Variants in SLC35G2 observed in about 807,000 individuals in gnomAD.
SLC35G2 encodes the protein solute carrier family 35 member G2.
Under a neutral mutation model 27.2 loss-of-function variants are expected in SLC35G2, and 20 were observed. The ratio of observed to expected loss-of-function variants is 0.74; its 90% CI spans 0.52 to 1.07. The LOEUF (loss-of-function observed/expected upper bound fraction) is 1.07. SLC35G2 is among the 50% of genes least tolerant of loss of function. The pLI, the probability that SLC35G2 is intolerant of heterozygous loss-of-function variation, is 0.00. For missense variants in SLC35G2, 416 were observed against 493.3 expected (o/e 0.84, Z 1.48); for synonymous variants, 148 against 165.3 (o/e 0.90, Z 0.80).
chr3:136,854,333 C>G (rs1055328026), intron 1 of SLC35G2, 110 bp from the exon 2 acceptor site: 25 of 701,100 alleles, frequency 3.6e-5, no homozygotes, highest in Non-Finnish European at 5.6e-5. Flanking sequence ...TTTTTCTGGA[C>G]TACTGTTACA....
chr3:136,851,496 C>CAAA (rs11427657), intron 1 of SLC35G2, among the ~76,000 whole-genome samples: 37,333 of 66,362 alleles, frequency 0.56, 14,278 homozygotes, highest in East Asian at 0.84. Flanking sequence ...GACTCCGTCT[C>CAAA]AAAAAAAAAA....
intron 1 of SLC35G2, chr3:136,842,961 T>G (rs1024767247): frequency 6.6e-6 from 1 of 152,154 alleles, no homozygotes; most frequent in Non-Finnish European, 1.5e-5. Flanking sequence ...TGGGAGGATG[T>G]AGAGTCATTC....
At chr3:136,835,641 C>T (rs1036430011) in intron 1 of SLC35G2, among the ~76,000 whole-genome samples, 5 of 152,146 alleles carry the variant, frequency 3.3e-5, no homozygotes, top group African/African-American at 1.2e-4. Flanking sequence ...TAAACTGTTA[C>T]TAGGATGATT....
At chr3:136,851,496 CAAAAAAAA>C (rs11427657) in intron 1 of SLC35G2, among the ~76,000 whole-genome samples, 5 of 66,522 alleles carry the variant, frequency 7.5e-5, no homozygotes, top group Middle Eastern at 0.017. Flanking sequence ...GACTCCGTCT[CAAAAAAAA>C]AAAAAAAAAA....
At chr3:136,833,285 A>G (rs1454684049) in intron 1 of SLC35G2, among the ~76,000 whole-genome samples, 2 of 152,180 alleles carry the variant, frequency 1.3e-5, no homozygotes, top group Non-Finnish European at 2.9e-5. Context: ...CTCAGAAGAC[A>G]TATAGTAGCA....
chr3:136,855,451 G>A lies in SLC35G2; in HGVS notation c.991G>A (p.Ala331Thr). Residue 331 changes from alanine (A) to threonine (T), a missense_variant, in exon 2 of 2, where the codon GCA (alanine) becomes ACA (threonine). Ala to Thr is a moderately conservative substitution (Grantham distance 58, BLOSUM62 0). Transcript: ENST00000446465. ...LIAICVCSTA[A>T]FLGVYYALDK... is the part of the protein sequence containing the mutation. ...TGCTATATGTGTCTGTTCTACTGCA[G>A]CATTCTTAGGAGTTTATTATGCCTT... 1 of 1,614,162 alleles carries A rather than the reference G, an allele frequency of 6.2e-7. No homozygotes were observed. The highest frequency in any genetic ancestry group is 1.7e-5 in the Admixed American group (1 of 60,024).
chr3:136,844,692 C>A (rs948499480), intron 1 of SLC35G2, among the ~76,000 whole-genome samples: 1 of 147,050 alleles, frequency 6.8e-6, no homozygotes, highest in African/African-American at 2.5e-5. Context: ...CCCAGCTACT[C>A]GTGAGGCTGA....
In SLC35G2 at chr3:136,851,446, C is replaced by T. The variant is rs190296229; in HGVS notation, c.-18-2997C>T. Among the ~76,000 whole-genome samples the T allele has an allele frequency of 3.5e-3, 421 of 118,932 alleles. 6 individuals are homozygous for T. The highest frequency in any genetic ancestry group is 0.013 in the African/African-American group (406 of 32,288). The allele number at this position is 118,932 out of a possible 152,430, so 78.0% of individuals were successfully genotyped here. A position where few individuals can be genotyped will look rare whatever the true frequency, so the allele number is the denominator to read the frequency against. ...CCGGGAGGTGGAGCTTGCAGTGAGC[C>T]GAGATTGTGCCACTGCGCTCCAGCC... On this transcript the variant is annotated intron_variant, in intron 1 of 1. Coordinates refer to ENST00000446465, the MANE Select transcript of SLC35G2 (RefSeq NM_025246.3).
intron 1 of SLC35G2, among the ~76,000 whole-genome samples, chr3:136,841,460 G>A (rs1283637460): frequency 6.6e-6 from 1 of 152,146 alleles, no homozygotes; most frequent in Non-Finnish European, 1.5e-5. Flanking sequence ...CGGACATGGT[G>A]GCTCATGCCT....
chr3:136,823,762 ATTT>A (rs59489340), intron 1 of SLC35G2, among the ~76,000 whole-genome samples: 1 of 141,964 alleles, frequency 7.0e-6, no homozygotes, highest in Non-Finnish European at 1.5e-5. Flanking sequence ...CACCTGGCTA[ATTT>A]TTTTTTTTTT....
At chr3:136,846,748 G>A (rs569480138) in intron 1 of SLC35G2, among the ~76,000 whole-genome samples, 3 of 152,254 alleles carry the variant, frequency 2.0e-5, no homozygotes, top group South Asian at 4.1e-4. Context: ...TTGTGAAGAC[G>A]GTTATGTCAA....
rs187945653 is a variant in SLC35G2, at chr3:136,841,424, T to C, written c.-18-13019T>C. Among the ~76,000 whole-genome samples the C allele has an allele frequency of 2.0e-5, 3 of 152,222 alleles. No individual in the cohort carries two copies. The East Asian group carries it at 5.8e-4, about 29-fold the overall frequency. On this transcript the variant is annotated intron_variant, in intron 1 of 1. Transcript: ENST00000446465. ...ATATCAGTTCCCTACTGGCCAATAATGTGAATATAAATATCAGAGTCCAGC... is the reference window on the plus strand; with the variant it reads ...ATATCAGTTCCCTACTGGCCAATAACGTGAATATAAATATCAGAGTCCAGC...
chr3:136,840,458 C>T (rs1051326555), intron 1 of SLC35G2, among the ~76,000 whole-genome samples: 1 of 152,044 alleles, frequency 6.6e-6, no homozygotes, highest in Non-Finnish European at 1.5e-5. Flanking sequence ...CCATATTCTT[C>T]CCCTGGTTGT....
intron 1 of SLC35G2, chr3:136,839,140 A>C (rs1188565764): frequency 6.6e-6 from 1 of 151,212 alleles, no homozygotes; most frequent in Non-Finnish European, 1.5e-5. Flanking sequence ...ACAGAAGGAA[A>C]GTTAAGTGGT....
intron 1 of SLC35G2, among the ~76,000 whole-genome samples, chr3:136,847,967 ACT>A (rs1399159069): frequency 2.6e-5 from 4 of 152,270 alleles, no homozygotes; most frequent in African/African-American, 9.6e-5. Context: ...ACAGAGCAAG[ACT>A]CTGTCTCAAA....
intron 1 of SLC35G2, chr3:136,843,250 G>C (rs1440639248): frequency 1.3e-5 from 2 of 148,694 alleles, no homozygotes; most frequent in Non-Finnish European, 3.0e-5. Context: ...GTGAACCCGG[G>C]AGGCGGAGCT....
rs568547762 is a variant in SLC35G2, at chr3:136,832,146, T to C, written c.-19+12518T>C. Among the ~76,000 whole-genome samples the C allele has an allele frequency of 4.6e-5, 7 of 152,262 alleles. No homozygotes were observed. The South Asian group carries it at 1.5e-3, about 32-fold the overall frequency. ...CTCCTGCCTCAGCCTCCCGAGTAGC[T>C]GGGACTACAAGTGCCCGCCACCAGG... On this transcript the variant is annotated intron_variant, in intron 1 of 1. Coordinates refer to ENST00000446465, the MANE Select transcript of SLC35G2 (RefSeq NM_025246.3).
chr3:136,850,452 A>G (rs1011987028), intron 1 of SLC35G2, among the ~76,000 whole-genome samples: 2 of 152,154 alleles, frequency 1.3e-5, no homozygotes, highest in African/African-American at 4.8e-5. Context: ...TATCTTTTCA[A>G]TTAGGCATGT....
intron 1 of SLC35G2, among the ~76,000 whole-genome samples, chr3:136,836,128 A>C (rs763593702): frequency 2.8e-4 from 43 of 152,068 alleles, no homozygotes; most frequent in Non-Finnish European, 5.0e-4. Flanking sequence ...AAATTCACAC[A>C]CACACACCCA....
Sources: gnomAD v4.1 joint callset for allele counts (sites outside exome capture counted in the v4.1 genomes callset) on GRCh38, gnomAD v4.1.1 for gene constraint, MANE v1.5 for transcripts, NCBI Gene and HGNC (gene_info 2026-07-23, HGNC 2026-07-21) for gene names.